OR51B5: variants seen among roughly 807,000 people sequenced by gnomAD.
The protein encoded by OR51B5 is olfactory receptor 51B5.
For missense variants in OR51B5, 456 were observed against 374.6 expected (o/e 1.22, Z -1.79); for synonymous variants, 186 against 144.8 (o/e 1.28, Z -2.04).
At chr11:5,366,844 C>T (rs993800755) in intron 1 of OR51B5, among the ~76,000 whole-genome samples, 6 of 152,140 alleles carry the variant, frequency 3.9e-5, no homozygotes, top group African/African-American at 1.2e-4. Context: ...AAGCACGGGT[C>T]TCTGTGCAAT....
intron 1 of OR51B5, among the ~76,000 whole-genome samples, chr11:5,442,282 T>A (rs937674929): frequency 2.6e-5 from 4 of 152,140 alleles, no homozygotes; most frequent in African/African-American, 9.7e-5. Flanking sequence ...TTTATGGGAA[T>A]AAAAAAAGAG....
At chr11:5,455,034 A>C (rs2133788853) in intron 1 of OR51B5, 1 of 152,394 alleles carries the variant, frequency 6.6e-6, no homozygotes, top group Non-Finnish European at 1.5e-5. Flanking sequence ...TTAACTTCAC[A>C]AAGTGAAATC....
At chr11:5,479,908 T>C (rs1163937200) in intron 1 of OR51B5, among the ~76,000 whole-genome samples, 1 of 136,126 alleles carries the variant, frequency 7.3e-6, no homozygotes, top group Admixed American at 7.2e-5. Context: ...CACACATTAA[T>C]AATGGGAGAC....
Position 5,502,826 on chromosome 11 carries a change from C to G in OR51B5, n.84+2743G>C, listed in dbSNP as rs1236853448. On this transcript the variant is annotated intron_variant and non_coding_transcript_variant, in intron 1 of 4. Transcript: ENST00000415970. ...AACAGTGCCTAGTTTTCCGTGAGAT[C>G]TCTTTAAGAGTTAACTGAAATATGT... Among the ~76,000 whole-genome samples, 3 of 152,266 alleles carry G rather than the reference C, an allele frequency of 2.0e-5. No individual in the cohort carries two copies. In the East Asian group the frequency reaches 5.8e-4, roughly 29 times the overall value.
At chr11:5,448,015 C>T (rs945747981) in intron 1 of OR51B5, among the ~76,000 whole-genome samples, 2 of 152,172 alleles carry the variant, frequency 1.3e-5, no homozygotes, top group African/African-American at 4.8e-5. Flanking sequence ...AGCTTTGCAG[C>T]ACTCCTGTTT....
At chr11:5,366,231 T>C (rs1366607693) in intron 1 of OR51B5, among the ~76,000 whole-genome samples, 1 of 151,900 alleles carries the variant, frequency 6.6e-6, no homozygotes, top group Non-Finnish European at 1.5e-5. Context: ...TAGGAAAGTA[T>C]AGAAGACAAA....
rs199834474 is a variant in OR51B5 at position 5,481,475 on chromosome 11, T to C, written n.84+24094A>G. 5.4e-3 allele frequency among the ~76,000 whole-genome samples: 716 copies of C among 132,734 alleles called. 16 individuals carry two copies. The East Asian group carries it at 0.098, about 18-fold the overall frequency. The allele number at this position is 132,734 out of a possible 152,430, so 87.1% of individuals were successfully genotyped here. A position where few individuals can be genotyped will look rare whatever the true frequency, so the allele number is the denominator to read the frequency against. On this transcript the variant is annotated intron_variant and non_coding_transcript_variant, in intron 1 of 4. Coordinates refer to the OR51B5 transcript ENST00000415970. ...AGACAGGGATGCCCTCTCTCACCAC[T>C]CCTATTCAACATAGTGTTGGAAGTT...
chr11:5,494,901 C>A (rs779372497), intron 1 of OR51B5, among the ~76,000 whole-genome samples: 5 of 152,150 alleles, frequency 3.3e-5, no homozygotes, highest in Admixed American at 3.3e-4. Flanking sequence ...TCTGTCAGGG[C>A]TGACCAAAGG....
chr11:5,343,214 G>C lies in OR51B5; in HGVS notation c.311C>G (p.Ser104Ter). The C allele has an allele frequency of 1.9e-6, 3 of 1,613,696 alleles. No individual in the cohort carries two copies. The highest frequency in any genetic ancestry group is 1.7e-6 in the Non-Finnish European group (2 of 1,179,824). The change falls in exon 1 of 1, where the codon TCA (serine) becomes TGA (stop). Residue 104 changes from serine to a stop codon, truncating the protein, a stop_gained. Transcript: ENST00000300773. LOFTEE classifies it low-confidence loss of function (END_TRUNC). ...AATGCCAGACTCGAGAAAGGAAAGT[G>C]AGTGTATAAAGTAGGCCTGGGAAAA...
At chr11:5,430,880 T>C (rs537868390) in intron 1 of OR51B5, 3 of 457,060 alleles carry the variant, frequency 6.6e-6, no homozygotes, top group Non-Finnish European at 1.3e-5. Context: ...GACACACATG[T>C]GTTGAGAGCC....
chr11:5,372,965 T>TA (rs1437957947), intron 1 of OR51B5, among the ~76,000 whole-genome samples: 1 of 152,120 alleles, frequency 6.6e-6, no homozygotes, highest in African/African-American at 2.4e-5. Context: ...TACTATCACA[T>TA]AAATAGACAC....
chr11:5,372,634 T>C (rs531362414), intron 1 of OR51B5, among the ~76,000 whole-genome samples: 30 of 152,328 alleles, frequency 2.0e-4, no homozygotes, highest in Non-Finnish European at 1.8e-4. Context: ...ATTTAGTTGA[T>C]TGAGTTCCTT....
intron 1 of OR51B5, chr11:5,352,490 C>G: frequency 1.6e-6 from 2 of 1,243,352 alleles, no homozygotes; most frequent in Admixed American, 2.0e-5. Flanking sequence ...GGGACCTGGA[C>G]AGGATGACAA....
At chr11:5,454,353 C>G in intron 1 of OR51B5, 1 of 1,613,984 alleles carries the variant, frequency 6.2e-7, no homozygotes, top group Non-Finnish European at 8.5e-7. Flanking sequence ...TGTGCTCAAC[C>G]CTCTCATTTA....
At chr11:5,461,410 T>G (rs1055065913) in intron 1 of OR51B5, among the ~76,000 whole-genome samples, 1 of 152,194 alleles carries the variant, frequency 6.6e-6, no homozygotes, top group South Asian at 2.1e-4. Flanking sequence ...CAGCTGAGAC[T>G]GCACTGCAAG....
chr11:5,462,049 T>C (rs555914749), intron 1 of OR51B5, among the ~76,000 whole-genome samples: 1 of 152,310 alleles, frequency 6.6e-6, no homozygotes, highest in Non-Finnish European at 1.5e-5. Context: ...CGTTAGGCCT[T>C]CCTCTAACAA....
upstream of OR51B5, among the ~76,000 whole-genome samples, chr11:5,344,234 T>C (rs565544437): frequency 1.3e-5 from 2 of 152,336 alleles, no homozygotes; most frequent in African/African-American, 2.4e-5. Flanking sequence ...AGTTAGACTT[T>C]GGGGCTGGAA....
chr11:5,441,751 T>C (rs369742076), intron 1 of OR51B5, among the ~76,000 whole-genome samples: 68 of 152,212 alleles, frequency 4.5e-4, no homozygotes, highest in African/African-American at 1.5e-3. Flanking sequence ...GGTTTGATGA[T>C]CAAATGAGTG....
Position 5,364,419 on chromosome 11 carries a change from AC to A in OR51B5, n.85-17510del, listed in dbSNP as rs139214063. Among the ~76,000 whole-genome samples the A allele has an allele frequency of 6.9e-3, 1,046 of 152,266 alleles. 11 individuals carry two copies. The highest frequency in any genetic ancestry group is 0.024 in the African/African-American group (998 of 41,556). ...AGCTATGTGATGTGTCATTTCTGTGACAGGATATGAGAGCTGCACATCTTTC... is the reference window on the plus strand; with the variant it reads ...AGCTATGTGATGTGTCATTTCTGTGAAGGATATGAGAGCTGCACATCTTTC... On this transcript the variant is annotated intron_variant and non_coding_transcript_variant, in intron 1 of 4. Coordinates refer to the OR51B5 transcript ENST00000415970.
Sources: allele counts gnomAD v4.1 joint callset (sites outside exome capture counted in the v4.1 genomes callset), GRCh38; gene constraint gnomAD v4.1.1; transcripts MANE v1.5; gene names NCBI Gene and HGNC (gene_info 2026-07-23, HGNC 2026-07-21).